RBM26: variants seen among roughly 807,000 people sequenced by gnomAD.
RBM26 encodes the protein RNA-binding protein 26.
Under a neutral mutation model 123.6 loss-of-function variants are expected in RBM26, and 30 were observed. The observed-to-expected ratio is 0.24, with a 90% confidence interval of 0.18 to 0.33. The LOEUF (loss-of-function observed/expected upper bound fraction) is 0.33, where lower values mean the gene tolerates loss of function less well. Among genes scored for constraint, RBM26 ranks in the 10% least tolerant of loss-of-function variants. The pLI is 1.00. For missense variants in RBM26, 947 were observed against 1,203.6 expected, an observed-to-expected ratio of 0.79 and a Z score of 3.15; for synonymous variants, 400 against 404.4, an observed-to-expected ratio of 0.99 and a Z score of 0.13.
chr13:79,329,223 C>G (rs1472356686), intron 20 of RBM26, among the ~76,000 whole-genome samples: 1 of 151,892 alleles, frequency 6.6e-6, no homozygotes, highest in Non-Finnish European at 1.5e-5. Flanking sequence ...TACCTATCTA[C>G]TTGTATGTGT....
rs568527234 is a variant in RBM26 at position 79,338,493 on chromosome 13, C to T, written c.2533-1191G>A. On this transcript the variant is annotated intron_variant, in intron 18 of 21. Transcript: ENST00000438737. ...GTTACGGCATGAAAAAAGGCACCAACGCTGAAAGAAATGTAATTTCCCAAA... is the reference window on the plus strand; with the variant it reads ...GTTACGGCATGAAAAAAGGCACCAATGCTGAAAGAAATGTAATTTCCCAAA... Among the ~76,000 whole-genome samples the T allele has an allele frequency of 5.9e-5, 9 of 152,192 alleles. No individual in the cohort carries two copies. The South Asian group carries it at 1.2e-3, about 21-fold the overall frequency.
At chr13:79,321,347 C>T (rs1233788570) in intron 21 of RBM26, among the ~76,000 whole-genome samples, 1 of 151,330 alleles carries the variant, frequency 6.6e-6, no homozygotes, top group Non-Finnish European at 1.5e-5. Flanking sequence ...TCAAAATATA[C>T]ATTTTTATTC....
At chr13:79,349,821 C>T (rs917429127) in intron 14 of RBM26, among the ~76,000 whole-genome samples, 9 of 151,888 alleles carry the variant, frequency 5.9e-5, no homozygotes, top group Non-Finnish European at 1.3e-4. Context: ...TGCCAGCCTC[C>T]CAAGTAGCTG....
At chr13:79,364,477 A>G (rs1393413282) in intron 9 of RBM26, among the ~76,000 whole-genome samples, 1 of 152,254 alleles carries the variant, frequency 6.6e-6, no homozygotes, top group African/African-American at 2.4e-5. Flanking sequence ...AAGACTGGAA[A>G]GAAAATGGGA....
intron 20 of RBM26, among the ~76,000 whole-genome samples, chr13:79,326,469 A>AG (rs941707445): frequency 1.4e-4 from 22 of 152,112 alleles, no homozygotes; most frequent in African/African-American, 4.8e-4. Flanking sequence ...AAAATATGAA[A>AG]GGGGGGGAAA....
Position 79,354,498 on chromosome 13 carries a change from C to T in RBM26, c.1927G>A (p.Val643Ile). The T allele has an allele frequency of 6.2e-7, 1 of 1,609,764 alleles. No individual in the cohort carries two copies. Among genetic ancestry groups the T allele is most frequent in the Non-Finnish European group, 8.5e-7 (1 of 1,177,014 alleles). The change falls in exon 13 of 22, where the codon GTA becomes ATA. Residue 643 changes from valine to isoleucine, a missense_variant. Physicochemically the swap from Val to Ile is conservative, Grantham distance 29. Transcript: ENST00000438737. ...GCAGGTTCAATAGTACTTGAAGGTA[C>T]TGGACCCAGCCGCTCTTTGACTGAC... Reference protein sequence around the residue: ...KQSVKERLGPVPSSTIEPAEA... With the variant: ...KQSVKERLGPIPSSTIEPAEA...
chr13:79,348,162 A>G (rs1441538436), intron 14 of RBM26, among the ~76,000 whole-genome samples: 1 of 152,086 alleles, frequency 6.6e-6, no homozygotes, highest in Non-Finnish European at 1.5e-5. Context: ...ACATTTGCTA[A>G]TATTTTCTCT....
chr13:79,338,264 C>T (rs981335838), intron 18 of RBM26, among the ~76,000 whole-genome samples: 3 of 152,148 alleles, frequency 2.0e-5, no homozygotes, highest in African/African-American at 7.2e-5. Flanking sequence ...AGAAGTGACT[C>T]AAAACGTGAA....
chr13:79,351,552 T>C (rs1303254711), intron 14 of RBM26, among the ~76,000 whole-genome samples: 3 of 140,742 alleles, frequency 2.1e-5, no homozygotes, highest in Non-Finnish European at 3.0e-5. Flanking sequence ...TCATGGGAGA[T>C]GTTAGAGAGA....
rs1389574113 is a variant in RBM26 at position 79,358,301 on chromosome 13, A to G, written c.1662T>C (p.Ser554=). The G allele has an allele frequency of 6.2e-7, 1 of 1,608,482 alleles. No individual in the cohort carries two copies. Among genetic ancestry groups the G allele is most frequent in the Non-Finnish European group, 8.5e-7 (1 of 1,178,356 alleles). The change falls in exon 11 of 22, where the codon AGT becomes AGC. Residue 554 remains serine, a synonymous_variant. Coordinates refer to ENST00000438737, the MANE Select transcript of RBM26 (RefSeq NM_001366735.2). ...GTAAGTTAACCAAGGTTCCAAATCGACTAAAATGTTCATTAAGTTTGCTGA... is the reference window on the plus strand; with the variant it reads ...GTAAGTTAACCAAGGTTCCAAATCGGCTAAAATGTTCATTAAGTTTGCTGA... ...NNISKLNEHF[S]RFGTLVNLQV...
intron 1 of RBM26, among the ~76,000 whole-genome samples, chr13:79,380,449 T>A (rs1342165562): frequency 6.6e-6 from 1 of 151,506 alleles, no homozygotes; most frequent in South Asian, 2.1e-4. Context: ...GACAGGATGA[T>A]AGTATGAACT....
intron 1 of RBM26, among the ~76,000 whole-genome samples, chr13:79,399,424 G>A (rs1347872216): frequency 2.0e-5 from 3 of 151,500 alleles, no homozygotes; most frequent in African/African-American, 4.9e-5. Flanking sequence ...TCAGAAAAAA[G>A]AAACAGTAAA....
chr13:79,363,357 A>T (rs1423256253), intron 9 of RBM26, among the ~76,000 whole-genome samples: 1 of 152,200 alleles, frequency 6.6e-6, no homozygotes, highest in Admixed American at 6.5e-5. Context: ...CAGTAAATTT[A>T]AAATCCAAAC....
chr13:79,350,184 T>C (rs2073026404), intron 14 of RBM26, among the ~76,000 whole-genome samples: 1 of 152,212 alleles, frequency 6.6e-6, no homozygotes, highest in Non-Finnish European at 1.5e-5. Context: ...AGTTCCATGG[T>C]ATAGATGTTA....
rs376814252 is a variant in RBM26, at chr13:79,375,800, T to G, written c.327+1579A>C. ...GAGATTACATATTATAATATATATT[T>G]TATTGCATAATAAAATGTATTATTT... On this transcript the variant is annotated intron_variant, in intron 3 of 21. Transcript: ENST00000438737. 2.8e-4 allele frequency among the ~76,000 whole-genome samples: 43 copies of G among 151,834 alleles called. No homozygotes were observed. The South Asian group carries it at 7.9e-3, about 28-fold the overall frequency.
chr13:79,359,501 T>C (rs1566441826), intron 10 of RBM26, 74 bp downstream of exon 10: 7 of 708,276 alleles, frequency 9.9e-6, no homozygotes, highest in Admixed American at 2.8e-5. Flanking sequence ...CCAAACCATA[T>C]TGTCATAATA....
At chr13:79,400,049 G>A (rs1225072425) in intron 1 of RBM26, among the ~76,000 whole-genome samples, 1 of 152,126 alleles carries the variant, frequency 6.6e-6, no homozygotes, top group Non-Finnish European at 1.5e-5. Flanking sequence ...CCATTAACAA[G>A]CTCAGAGTGA....
chr13:79,354,354 T>C (rs934870765), intron 13 of RBM26, 85 bp downstream of exon 13: 20 of 1,126,146 alleles, frequency 1.8e-5, no homozygotes, highest in African/African-American at 3.2e-5. Context: ...GTAAAATATA[T>C]ACAATTAACT....
At chr13:79,365,862 TA>T (rs2075211797) in intron 8 of RBM26, 144 bp from the exon 9 acceptor site, 1 of 950,524 alleles carries the variant, frequency 1.1e-6, no homozygotes. Context: ...TAACTTTATT[TA>T]AAAAAGTTAT....
Sources: allele counts gnomAD v4.1 joint callset (sites outside exome capture counted in the v4.1 genomes callset), GRCh38; gene constraint gnomAD v4.1.1; transcripts MANE v1.5; gene names NCBI Gene and HGNC (gene_info 2026-07-23, HGNC 2026-07-21).